KRTAP6-1: variants seen among roughly 807,000 people sequenced by gnomAD.
KRTAP6-1 encodes the protein keratin-associated protein 6-1.
A neutral mutation model predicts 1.6 loss-of-function variants in KRTAP6-1; 2 were observed. That is an observed-to-expected ratio of 1.22 (90% CI 0.50 to 3.85). KRTAP6-1 has a LOEUF of 3.85. KRTAP6-1 is among the 30% of genes most tolerant of loss of function. The pLI is 0.07. For missense variants in KRTAP6-1, 78 were observed against 87.7 expected, an observed-to-expected ratio of 0.89 and a Z score of 0.44; for synonymous variants, 38 against 38.5, an observed-to-expected ratio of 0.99 and a Z score of 0.05.
chr21:30,613,553 G>A (rs1166958979), exon 1 of KRTAP6-1: 3 of 1,477,786 alleles, frequency 2.0e-6, no homozygotes, highest in Non-Finnish European at 2.7e-6. Context: ...AGGTTAGATG[G>A]TAGCTCAACA....
chr21:30,613,878 G>A (rs1298913939), exon 1 of KRTAP6-1: 6 of 1,614,196 alleles, frequency 3.7e-6, no homozygotes, highest in Non-Finnish European at 5.1e-6. Flanking sequence ...GGGTGCCATA[G>A]TAGTTTCCGT....
exon 1 of KRTAP6-1, chr21:30,613,480 AAGG>A (rs1980614452): frequency 9.0e-6 from 9 of 1,004,472 alleles, no homozygotes; most frequent in Non-Finnish European, 1.1e-5. Flanking sequence ...ATTCTGATGA[AAGG>A]AGAACTGACA....
At chr21:30,613,682 G>T (rs1980619144) in exon 1 of KRTAP6-1, 1 of 1,613,966 alleles carries the variant, frequency 6.2e-7, no homozygotes, top group African/African-American at 1.3e-5. Flanking sequence ...AGTCTCCCAT[G>T]GCATCCTCAA....
exon 1 of KRTAP6-1, chr21:30,613,547 T>C: frequency 1.4e-6 from 2 of 1,457,656 alleles, no homozygotes; most frequent in Non-Finnish European, 1.8e-6. Context: ...ATTTGTAGGT[T>C]AGATGGTAGC....
exon 1 of KRTAP6-1, chr21:30,613,925 T>C: frequency 1.9e-6 from 3 of 1,613,382 alleles, no homozygotes; most frequent in Non-Finnish European, 2.5e-6. Flanking sequence ...GTGGAGGTTG[T>C]CCTTGGGTAG....
chr21:30,613,747 G>A, exon 1 of KRTAP6-1: 2 of 1,613,616 alleles, frequency 1.2e-6, no homozygotes, highest in Non-Finnish European at 1.7e-6. Flanking sequence ...GAGGGAGCGG[G>A]AGCCATAGCC....
Position 30,613,887 on chromosome 21 carries a change from G to A in KRTAP6-1, c.18C>T (p.Tyr6=), listed in dbSNP as rs143074400. ...AGCCAGGGGTGCCATAGTAGTTTCC[G>A]TAGTAGCTGCCACACATGGTGTTGG... The change falls in exon 1 of 1, where the codon TAC becomes TAT. Residue 6 remains tyrosine, a synonymous_variant. Coordinates refer to ENST00000329122, the Ensembl canonical transcript of KRTAP6-1. 8.9e-5 allele frequency: 144 copies of A among 1,614,138 alleles called. 1 individual carries two copies. The African/African-American group carries it at 1.2e-3, about 14-fold the overall frequency.
chr21:30,613,451 C>A, exon 1 of KRTAP6-1: 2 of 734,584 alleles, frequency 2.7e-6, no homozygotes, highest in Non-Finnish European at 4.2e-6. Flanking sequence ...GTCATCAAGG[C>A]AGATGATGTG....
At chr21:30,613,915 G>T in exon 1 of KRTAP6-1, 1 of 1,613,840 alleles carries the variant, frequency 6.2e-7, no homozygotes, top group Non-Finnish European at 8.5e-7. Context: ...GGTGTTGGTT[G>T]TGGAGGTTGT....
chr21:30,613,535 A>G, exon 1 of KRTAP6-1: 1 of 1,409,710 alleles, frequency 7.1e-7, no homozygotes, highest in Non-Finnish European at 9.4e-7. Flanking sequence ...GAAATTCAAG[A>G]TATTTGTAGG....
chr21:30,613,920 G>C (rs756475681), exon 1 of KRTAP6-1: 2 of 1,613,610 alleles, frequency 1.2e-6, no homozygotes, highest in Non-Finnish European at 1.7e-6. Context: ...TGGTTGTGGA[G>C]GTTGTCCTTG....
At chr21:30,613,726 C>A (rs1050773164) in exon 1 of KRTAP6-1, 13 of 1,613,986 alleles carry the variant, frequency 8.1e-6, no homozygotes, top group African/African-American at 1.3e-5. Context: ...GCATCCATAG[C>A]CATAGCCACA....
At chr21:30,613,667 G>GT (rs1203575701) in exon 1 of KRTAP6-1, 6 of 1,613,928 alleles carry the variant, frequency 3.7e-6, no homozygotes, top group African/African-American at 1.3e-5. Context: ...AGGATAGAGG[G>GT]TGAGAGTCTC....
At chr21:30,613,603 C>T in exon 1 of KRTAP6-1, 1 of 1,591,178 alleles carries the variant, frequency 6.3e-7, no homozygotes, top group Non-Finnish European at 8.6e-7. Flanking sequence ...TATCATCACT[C>T]AAGGGAAAAT....
chr21:30,613,794 GC>G, the KRTAP6-1 span: 1 of 1,613,600 alleles, frequency 6.2e-7, no homozygotes, highest in East Asian at 2.2e-5. Flanking sequence ...CACAGCCACA[GC>G]AGGAGCCATA....
rs1980616603 is a variant in KRTAP6-1 at position 30,613,578 on chromosome 21, A to T, written c.*111T>A. 2.6e-6 allele frequency: 4 copies of T among 1,557,640 alleles called. No individual in the cohort carries two copies. The South Asian group carries it at 4.8e-5, about 19-fold the overall frequency. On this transcript the variant is annotated 3_prime_UTR_variant, in exon 1 of 1. Coordinates refer to ENST00000329122, the Ensembl canonical transcript of KRTAP6-1. The stretch of plus-strand genomic sequence containing the variant: ...GTAGCTCAACAACAGACCATATTAG[A>T]CTTCCATTGCAGGATATCATCACTC...
chr21:30,613,571 A>G (rs2123607562), exon 1 of KRTAP6-1: 3 of 1,549,070 alleles, frequency 1.9e-6, no homozygotes, highest in South Asian at 2.5e-5. Flanking sequence ...ACAACAGACC[A>G]TATTAGACTT....
chr21:30,613,530 T>C (rs1980615489), exon 1 of KRTAP6-1: 1 of 1,393,688 alleles, frequency 7.2e-7, no homozygotes, highest in Non-Finnish European at 9.5e-7. Flanking sequence ...TGATGGAAAT[T>C]CAAGATATTT....
chr21:30,613,692 A>G, exon 1 of KRTAP6-1: 8 of 1,614,130 alleles, frequency 5.0e-6, no homozygotes, highest in Non-Finnish European at 6.8e-6. Context: ...GGCATCCTCA[A>G]TAATAGTAGC....
Sources: allele counts gnomAD v4.1 joint callset, GRCh38; gene constraint gnomAD v4.1.1; transcripts MANE v1.5; gene names NCBI Gene and HGNC (gene_info 2026-07-23, HGNC 2026-07-21).